The following MAP2K5 variants were observed in gnomAD, a reference collection of about 807,000 sequenced individuals.
MAP2K5 encodes the protein dual specificity mitogen-activated protein kinase kinase 5.
Under a neutral mutation model 83.1 loss-of-function variants are expected in MAP2K5, and 49 were observed. That is an observed-to-expected ratio of 0.59 (90% CI 0.47 to 0.75). The LOEUF (loss-of-function observed/expected upper bound fraction) is 0.75. Ranked by LOEUF, MAP2K5 falls within the 30% of genes least tolerant of loss-of-function variation. The probability of loss-of-function intolerance (pLI) is 0.00; values close to 1 mark genes in which losing one functional copy is unlikely to be tolerated. For missense variants in MAP2K5, 457 were observed against 557.5 expected, an observed-to-expected ratio of 0.82 and a Z score of 1.82; for synonymous variants, 202 against 191.8, an observed-to-expected ratio of 1.05 and a Z score of -0.44.
chr15:67,696,411 A>C (rs1332037578), intron 15 of MAP2K5, among the ~76,000 whole-genome samples: 1 of 152,178 alleles, frequency 6.6e-6, no homozygotes, highest in African/African-American at 2.4e-5. Context: ...TTGCAGCAGA[A>C]AGTATATGGC....
At chr15:67,649,534 T>G (rs1463181149) in intron 11 of MAP2K5, among the ~76,000 whole-genome samples, 1 of 152,172 alleles carries the variant, frequency 6.6e-6, no homozygotes, top group African/African-American at 2.4e-5. Context: ...GGTCCAAATT[T>G]ATTCGTTTGC....
chr15:67,654,963 G>A (rs1183570572), intron 11 of MAP2K5, among the ~76,000 whole-genome samples: 1 of 151,914 alleles, frequency 6.6e-6, no homozygotes, highest in East Asian at 1.9e-4. Flanking sequence ...TACTCGGGAG[G>A]CTGAGGCTGG....
At chr15:67,797,310 A>G (rs941732255) in intron 21 of MAP2K5, among the ~76,000 whole-genome samples, 1 of 152,188 alleles carries the variant, frequency 6.6e-6, no homozygotes, top group Admixed American at 6.5e-5. Context: ...TTGTGATTGT[A>G]TTCCTTCGGA....
chr15:67,583,028 C>T (rs1041185774), intron 4 of MAP2K5, among the ~76,000 whole-genome samples: 1 of 152,106 alleles, frequency 6.6e-6, no homozygotes, highest in African/African-American at 2.4e-5. Context: ...TAGATGTCTG[C>T]TCTGTTAAGG....
intron 19 of MAP2K5, among the ~76,000 whole-genome samples, chr15:67,756,515 C>CTGTGTGTGTGTGTG (rs200627656): frequency 1.9e-4 from 25 of 131,598 alleles, no homozygotes; most frequent in African/African-American, 5.0e-4. Context: ...CACACAGTTA[C>CTGTGTGTGTGTGTG]TGTGTGTGTG....
rs1596695886 is a variant in MAP2K5, at chr15:67,636,556, T to C, written c.585+5629T>C. On this transcript the variant is annotated intron_variant, in intron 9 of 21. Coordinates refer to ENST00000178640, the MANE Select transcript of MAP2K5 (RefSeq NM_145160.3). This position sits in a 1 kb window ranked among gnomAD's most constrained non-coding sequence, Gnocchi z 4.7. ...TTGTATTTTTCACTTTTTTTTCATATCTTATAATTTTTTTTAAGTGAAAAG... is the reference window on the plus strand; with the variant it reads ...TTGTATTTTTCACTTTTTTTTCATACCTTATAATTTTTTTTAAGTGAAAAG... 6.6e-6 allele frequency among the ~76,000 whole-genome samples: 1 copy of C among 152,160 alleles called. No individual in the cohort carries two copies. The highest frequency in any genetic ancestry group is 1.5e-5 in the Non-Finnish European group (1 of 68,042).
At chr15:67,647,554 A>G (rs1185042572) in intron 11 of MAP2K5, among the ~76,000 whole-genome samples, 5 of 150,806 alleles carry the variant, frequency 3.3e-5, no homozygotes, top group South Asian at 2.1e-4. Flanking sequence ...TGAGACCAGC[A>G]TAAGCAATAT....
chr15:67,600,598 T>C lies in MAP2K5; in HGVS notation c.481-87T>C. ...CTGAACTTGAAATGACCCAGACTGC[T>C]TGTTGTTTATGGCCCAGAGTTGCTT... On this transcript the variant is annotated intron_variant, in intron 7 of 21. Transcript: ENST00000178640. The C allele has an allele frequency of 3.1e-6, 3 of 982,476 alleles. No homozygotes were observed. The South Asian group carries it at 4.3e-5, about 14-fold the overall frequency. The allele number at this position is 982,476 out of a possible 1,614,324, so 60.9% of individuals were successfully genotyped here.
At chr15:67,579,275 C>T (rs577733232) in intron 3 of MAP2K5, among the ~76,000 whole-genome samples, 1 of 152,242 alleles carries the variant, frequency 6.6e-6, no homozygotes, top group Non-Finnish European at 1.5e-5. Flanking sequence ...GTGCCGAGGA[C>T]AAGTCATTTT....
chr15:67,749,939 A>G lies in MAP2K5; in HGVS notation c.1134+1338A>G, dbSNP rs1454952970. On this transcript the variant is annotated intron_variant, in intron 19 of 21. Coordinates refer to ENST00000178640, the MANE Select transcript of MAP2K5 (RefSeq NM_145160.3). This position sits in a 1 kb window ranked among gnomAD's most constrained non-coding sequence, Gnocchi z 4.6. ...CAGCCTTCTGTGTTTCCTGGGCTCT[A>G]CCGTTGGTCTGCCAGGCTCCTAGGC... is the stretch of plus-strand genomic sequence containing the variant. Among the ~76,000 whole-genome samples the G allele has an allele frequency of 1.3e-5, 2 of 152,130 alleles. No homozygotes were observed. Among genetic ancestry groups the G allele is most frequent in the Non-Finnish European group, 2.9e-5 (2 of 68,022 alleles).
chr15:67,802,865 A>G lies in MAP2K5; in HGVS notation c.1243-3781A>G, dbSNP rs1305859977. ...ATTCCTCTGCCTGGGAGGGATGTAC[A>G]TTTCACCCAAGCCCAGGGGAGGGAC... is the stretch of plus-strand genomic sequence containing the variant. On this transcript the variant is annotated intron_variant, in intron 21 of 21. Transcript: ENST00000178640. This position sits in a 1 kb window ranked among gnomAD's most constrained non-coding sequence, Gnocchi z 5.0. 6.6e-6 allele frequency among the ~76,000 whole-genome samples: 1 copy of G among 152,130 alleles called. No homozygotes were observed. Among genetic ancestry groups the G allele is most frequent in the African/African-American group, 2.4e-5 (1 of 41,424 alleles).
At position 67,561,363 on chromosome 15, in the gene MAP2K5, A is replaced by G. The variant is rs28702447; in HGVS notation, c.185-1920A>G. On this transcript the variant is annotated intron_variant, in intron 2 of 21. Coordinates refer to ENST00000178640, the MANE Select transcript of MAP2K5 (RefSeq NM_145160.3). The surrounding 1 kb of genome is among the most constrained non-coding windows in gnomAD (Gnocchi z 4.2). ...AGACAGACTCCTTTCTTCTCTCTCT[A>G]CAGCTGGAATGGCATTTCTCCCCCA... 4.6e-3 allele frequency among the ~76,000 whole-genome samples: 700 copies of G among 152,272 alleles called. 4 individuals are homozygous for G. The highest frequency in any genetic ancestry group is 0.016 in the African/African-American group (669 of 41,560).
chr15:67,752,505 C>G (rs2089742320), intron 19 of MAP2K5, among the ~76,000 whole-genome samples: 1 of 151,422 alleles, frequency 6.6e-6, no homozygotes, highest in South Asian at 2.1e-4. Context: ...TGGTGAAACC[C>G]CATCTCTACT....
In MAP2K5 at chr15:67,577,489, GT is replaced by G. The variant is rs1567284774; in HGVS notation, c.253-3263del. 6.6e-6 allele frequency among the ~76,000 whole-genome samples: 1 copy of G among 152,062 alleles called. No individual in the cohort carries two copies. Among genetic ancestry groups the G allele is most frequent in the South Asian group, 2.1e-4 (1 of 4,824 alleles). On this transcript the variant is annotated intron_variant, in intron 3 of 21. Coordinates refer to ENST00000178640, the MANE Select transcript of MAP2K5 (RefSeq NM_145160.3). This position sits in a 1 kb window ranked among gnomAD's most constrained non-coding sequence, Gnocchi z 4.1. ...GATAACTTGAAGTAATATTATGAAG[GT>G]TACTTTGTTACATTTCTGTCCAAGC...
chr15:67,723,436 G>A (rs1044305436), intron 16 of MAP2K5, among the ~76,000 whole-genome samples: 2 of 152,150 alleles, frequency 1.3e-5, no homozygotes, highest in African/African-American at 4.8e-5. Context: ...GATGTTAGTT[G>A]TTTACTGCTA....
intron 17 of MAP2K5, among the ~76,000 whole-genome samples, chr15:67,732,983 G>A (rs1415326038): frequency 6.6e-6 from 1 of 152,150 alleles, no homozygotes; most frequent in East Asian, 1.9e-4. Context: ...AGCGACTGTG[G>A]GCGAATCTGT....
At chr15:67,629,818 A>T (rs1320450786) in intron 8 of MAP2K5, among the ~76,000 whole-genome samples, 1 of 152,264 alleles carries the variant, frequency 6.6e-6, no homozygotes, top group East Asian at 1.9e-4. Context: ...TGGGCTTGCA[A>T]TAACAATGCT....
intron 17 of MAP2K5, among the ~76,000 whole-genome samples, chr15:67,733,365 A>G (rs1250072554): frequency 6.6e-6 from 1 of 152,254 alleles, no homozygotes; most frequent in Non-Finnish European, 1.5e-5. Context: ...TCTGTTAAAA[A>G]TCTGTTTCAA....
At position 67,549,230 on chromosome 15, in the gene MAP2K5, A is replaced by G. The variant is rs78985353; in HGVS notation, c.136-804A>G. ...AGCGTAGGTGTTCTATGCTTATTCA[A>G]TTAAGCTGTCTCAGTATACTAATTT... On this transcript the variant is annotated intron_variant, in intron 1 of 21. Coordinates refer to ENST00000178640, the MANE Select transcript of MAP2K5 (RefSeq NM_145160.3). The G allele has an allele frequency of 1.7e-3, 2,643 of 1,515,704 alleles. 68 individuals carry two copies. In the East Asian group the frequency reaches 0.053, roughly 31 times the overall value. 93.9% of individuals were successfully genotyped at this position (1,515,704 alleles called of 1,614,324 possible).
Sources: allele counts gnomAD v4.1 joint callset (sites outside exome capture counted in the v4.1 genomes callset), GRCh38; gene constraint gnomAD v4.1.1; non-coding constraint Gnocchi (gnomAD v3.1); transcripts MANE v1.5; gene names NCBI Gene and HGNC (gene_info 2026-07-23, HGNC 2026-07-21).